The following DNAH14 variants were observed in gnomAD, a reference collection of about 807,000 sequenced individuals.
DNAH14 encodes axonemal beta dynein heavy chain 14.
A neutral mutation model predicts 520.9 loss-of-function variants in DNAH14; 478 were observed. The observed-to-expected ratio is 0.92, with a 90% confidence interval of 0.85 to 0.99. The LOEUF is 0.99. Among genes scored for constraint, DNAH14 ranks in the 50% least tolerant of loss-of-function variants. The pLI, the probability that DNAH14 is intolerant of heterozygous loss-of-function variation, is 0.00. For synonymous variants in DNAH14, 1,581 were observed against 1,757.2 expected (o/e 0.90, Z 2.51); for missense variants, 4,831 against 5,234.5 (o/e 0.92, Z 2.38).
At position 224,974,369 on chromosome 1, in the gene DNAH14, T is replaced by C. The variant is rs192975658; in HGVS notation, c.830+216T>C. Among the ~76,000 whole-genome samples, 53 of 152,356 alleles carry C rather than the reference T, an allele frequency of 3.5e-4. No homozygotes were observed. The East Asian group carries it at 6.0e-3, about 17-fold the overall frequency. On this transcript the variant is annotated intron_variant, in intron 8 of 85. Transcript: ENST00000682510. Reference sequence around the variant, plus strand: ...ATGGTCATAGAACTATGGAAAACCTTGATGAGTTCCCTTGGTCACTTTATC... The same window carrying C: ...ATGGTCATAGAACTATGGAAAACCTCGATGAGTTCCCTTGGTCACTTTATC...
intron 81 of DNAH14, among the ~76,000 whole-genome samples, chr1:225,382,123 C>T (rs143023972): frequency 6.6e-6 from 1 of 152,150 alleles, no homozygotes; most frequent in Admixed American, 6.5e-5. Context: ...AATCCTATAC[C>T]AGATTGAAAA....
At chr1:225,130,002 G>A (rs896416696) in intron 27 of DNAH14, among the ~76,000 whole-genome samples, 61 of 152,194 alleles carry the variant, frequency 4.0e-4, no homozygotes, top group Non-Finnish European at 7.4e-4. Context: ...TCAAAAAGTG[G>A]GCAAGGGATA....
chr1:225,107,158 C>T (rs2076129501), intron 23 of DNAH14, among the ~76,000 whole-genome samples: 1 of 152,170 alleles, frequency 6.6e-6, no homozygotes, highest in South Asian at 2.1e-4. Context: ...ACCCTGTTTG[C>T]CTGGGTATCA....
intron 84 of DNAH14, chr1:225,397,185 G>C (rs957236290): frequency 6.6e-6 from 1 of 152,152 alleles, no homozygotes; most frequent in African/African-American, 2.4e-5. Flanking sequence ...CACCGTGTTA[G>C]CCAGGATGGT....
intron 23 of DNAH14, among the ~76,000 whole-genome samples, chr1:225,102,831 C>T (rs1040590437): frequency 2.6e-5 from 4 of 151,940 alleles, no homozygotes; most frequent in African/African-American, 9.7e-5. Context: ...TTTCTGCCAT[C>T]CTGTAGGTTG....
At chr1:225,206,940 A>G (rs372939867) in intron 40 of DNAH14, 28 bp from the exon 41 acceptor site, 1 of 1,423,064 alleles carries the variant, frequency 7.0e-7, no homozygotes, top group South Asian at 1.6e-5. Flanking sequence ...TTATTTACAT[A>G]AGATTATATT....
Position 225,038,677 on chromosome 1 carries a change from C to T in DNAH14, c.1359-17C>T. 1 of 1,510,820 alleles carries T rather than the reference C, an allele frequency of 6.6e-7. No individual in the cohort carries two copies. 93.6% of individuals were successfully genotyped at this position (1,510,820 alleles called of 1,614,324 possible). On this transcript the variant is annotated splice_polypyrimidine_tract_variant and intron_variant, in intron 11 of 85. Coordinates refer to ENST00000682510, the MANE Select transcript of DNAH14 (RefSeq NM_001367479.1). ...ATGATTTTTAAATGATTTTTTTCTT[C>T]CCATTTCTTAATCCAGAACATTCAA... is the stretch of plus-strand genomic sequence containing the variant.
Position 224,963,375 on chromosome 1 carries a change from A to G in DNAH14, c.368-1104A>G, listed in dbSNP as rs576533226. Among the ~76,000 whole-genome samples the G allele has an allele frequency of 2.6e-5, 4 of 151,992 alleles. No individual in the cohort carries two copies. The South Asian group carries it at 8.3e-4, about 31-fold the overall frequency. Reference sequence around the variant, plus strand: ...CACATTTATAAACATATTCTCCCATATTTTCTTCTAGTATTTCTATAATTT... The same window carrying G: ...CACATTTATAAACATATTCTCCCATGTTTTCTTCTAGTATTTCTATAATTT... On this transcript the variant is annotated intron_variant, in intron 4 of 85. Transcript: ENST00000682510.
chr1:225,137,400 G>A (rs2079038909), intron 27 of DNAH14, among the ~76,000 whole-genome samples: 1 of 152,086 alleles, frequency 6.6e-6, no homozygotes, highest in Non-Finnish European at 1.5e-5. Context: ...CTGACACCCA[G>A]GCTTGAGTGC....
At chr1:225,282,670 C>T (rs1355610881) in intron 54 of DNAH14, among the ~76,000 whole-genome samples, 1 of 152,158 alleles carries the variant, frequency 6.6e-6, no homozygotes, top group Non-Finnish European at 1.5e-5. Flanking sequence ...AAATGTGCCT[C>T]AGAAAGATGA....
chr1:225,327,659 G>A (rs958559543), intron 64 of DNAH14, among the ~76,000 whole-genome samples: 10 of 151,194 alleles, frequency 6.6e-5, no homozygotes, highest in Admixed American at 4.6e-4. Context: ...ACACCTGAAG[G>A]AACTAAACAA....
chr1:224,986,334 A>AG lies in DNAH14; in HGVS notation c.830+12181_830+12182insG, dbSNP rs201002602. 6.9e-4 allele frequency among the ~76,000 whole-genome samples: 101 copies of AG among 146,616 alleles called. No homozygotes were observed. The East Asian group carries it at 0.015, about 21-fold the overall frequency. The stretch of plus-strand genomic sequence containing the variant: ...AAGGCTTATTAAAAAAAAAAAAAAA[A>AG]AAAAGAAAACTACAGGCCAATATCC... On this transcript the variant is annotated intron_variant, in intron 8 of 85. Coordinates refer to ENST00000682510, the MANE Select transcript of DNAH14 (RefSeq NM_001367479.1).
chr1:224,962,016 G>T (rs1292739940), intron 4 of DNAH14, among the ~76,000 whole-genome samples: 1 of 151,972 alleles, frequency 6.6e-6, no homozygotes, highest in East Asian at 1.9e-4. Flanking sequence ...ATTTTGTTTA[G>T]ATTTTAGAAC....
chr1:225,392,637 G>C (rs928985325), intron 84 of DNAH14, among the ~76,000 whole-genome samples, 186 bp downstream of exon 84: 5 of 152,050 alleles, frequency 3.3e-5, no homozygotes, highest in Admixed American at 3.3e-4. Context: ...CTCTCTTTCT[G>C]GGGGGGATAA....
intron 74 of DNAH14, among the ~76,000 whole-genome samples, chr1:225,359,166 G>A (rs1342326564): frequency 6.6e-6 from 1 of 152,152 alleles, no homozygotes; most frequent in African/African-American, 2.4e-5. Flanking sequence ...TTTGGAAAAG[G>A]AGCTAATTAC....
chr1:225,255,013 G>A (rs1479073869), intron 44 of DNAH14, among the ~76,000 whole-genome samples: 1 of 152,162 alleles, frequency 6.6e-6, no homozygotes, highest in African/African-American at 2.4e-5. Flanking sequence ...AAAAAAATGA[G>A]GCTCTCTCTT....
chr1:225,198,481 T>G lies in DNAH14; in HGVS notation c.5886+5570T>G, dbSNP rs532264842. 3.0e-3 allele frequency among the ~76,000 whole-genome samples: 454 copies of G among 152,310 alleles called. 2 individuals are homozygous for G. Among genetic ancestry groups the G allele is most frequent in the African/African-American group, 0.01 (424 of 41,584 alleles). ...ATCTGCCCACCTCAGCCTCCCAAAG[T>G]GCTGGGATTACAGGCATGAGCCACT... On this transcript the variant is annotated intron_variant, in intron 38 of 85. Coordinates refer to ENST00000682510, the MANE Select transcript of DNAH14 (RefSeq NM_001367479.1).
Position 225,207,492 on chromosome 1 carries a change from G to A in DNAH14, c.6439+272G>A, listed in dbSNP as rs554389614. ...CTCTATTAAAGAAGAATGTTTTCGC[G>A]TATTTTAAAGATTCTCTGAGTTAGA... On this transcript the variant is annotated intron_variant, in intron 41 of 85. Transcript: ENST00000682510. 4.9e-4 allele frequency among the ~76,000 whole-genome samples: 74 copies of A among 152,270 alleles called. 1 individual carries two copies. The highest frequency in any genetic ancestry group is 2.7e-3 in the Admixed American group (42 of 15,284).
At chr1:225,138,502 G>C (rs1037976460) in intron 27 of DNAH14, among the ~76,000 whole-genome samples, 3 of 152,168 alleles carry the variant, frequency 2.0e-5, no homozygotes, top group Admixed American at 2.0e-4. Context: ...GGATATGTAT[G>C]GGCAGATTTT....
Sources: allele counts gnomAD v4.1 joint callset (sites outside exome capture counted in the v4.1 genomes callset), GRCh38; gene constraint gnomAD v4.1.1; transcripts MANE v1.5; gene names NCBI Gene and HGNC (gene_info 2026-07-23, HGNC 2026-07-21).